SATB1: variants seen among roughly 807,000 people sequenced by gnomAD.
SATB1 encodes the protein SATB homeobox 1, also known as DNA-binding protein SATB1.
SATB1 carries 11 observed loss-of-function variants against 86.9 expected under a neutral mutation model. The ratio of observed to expected loss-of-function variants is 0.13; its 90% CI spans 0.08 to 0.21. SATB1 has a LOEUF of 0.21. SATB1 is among the 10% of genes least tolerant of loss of function. The pLI is 1.00. For synonymous variants in SATB1, 357 were observed against 357.2 expected (o/e 1.00, Z 0.01); for missense variants, 551 against 937.6 (o/e 0.59, Z 5.39).
chr3:18,347,617 T>G lies in SATB1; in HGVS notation c.*1553A>C, dbSNP rs1167961458. On this transcript the variant is annotated 3_prime_UTR_variant, in exon 11 of 11. Coordinates refer to ENST00000338745, the MANE Select transcript of SATB1 (RefSeq NM_002971.6). ...AGGAAAAGCATTGCTATAAATGAAG[T>G]ATTGTGAAATAAGCACAGATGAATC... The G allele has an allele frequency of 2.6e-5, 4 of 152,180 alleles. No homozygotes were observed. The highest frequency in any genetic ancestry group is 9.7e-5 in the African/African-American group (4 of 41,442). The allele number at this position is 152,180 out of a possible 1,614,324, so 9.4% of individuals were successfully genotyped here.
intron 5 of SATB1, among the ~76,000 whole-genome samples, chr3:18,405,274 C>T (rs1181357763): frequency 6.6e-6 from 1 of 151,866 alleles, no homozygotes; most frequent in African/African-American, 2.4e-5. Context: ...TACCAATGTA[C>T]CCATTTGAGA....
intron 9 of SATB1, among the ~76,000 whole-genome samples, chr3:18,368,958 A>T (rs1695319942): frequency 6.6e-6 from 1 of 152,134 alleles, no homozygotes; most frequent in South Asian, 2.1e-4. Flanking sequence ...CTTTAGCCTT[A>T]AACAGTTACC....
chr3:18,389,261 GTTTTTTT>G (rs35192555), intron 7 of SATB1, among the ~76,000 whole-genome samples: 1 of 129,724 alleles, frequency 7.7e-6, no homozygotes, highest in African/African-American at 2.9e-5. Context: ...AAACCTTTGG[GTTTTTTT>G]TTTTTTTTTT....
chr3:18,388,659 T>C (rs1178071700), intron 7 of SATB1, among the ~76,000 whole-genome samples: 1 of 152,156 alleles, frequency 6.6e-6, no homozygotes, highest in Non-Finnish European at 1.5e-5. Flanking sequence ...GTGTTACCCA[T>C]GAGTCAATTC....
chr3:18,398,431 T>C (rs1163049491), intron 5 of SATB1, among the ~76,000 whole-genome samples: 1 of 152,144 alleles, frequency 6.6e-6, no homozygotes, highest in Non-Finnish European at 1.5e-5. Flanking sequence ...TGGTCTATGG[T>C]GAAATAATTT....
intron 9 of SATB1, among the ~76,000 whole-genome samples, chr3:18,375,075 T>G (rs1214226611): frequency 6.6e-6 from 1 of 152,150 alleles, no homozygotes; most frequent in Non-Finnish European, 1.5e-5. Context: ...GGCTCTGTGT[T>G]GGTAAGAACC....
chr3:18,394,640 T>C lies in SATB1; in HGVS notation c.1028A>G (p.Asn343Ser). 1 of 1,614,116 alleles carries C rather than the reference T, an allele frequency of 6.2e-7. No individual in the cohort carries two copies. Among genetic ancestry groups the C allele is most frequent in the Non-Finnish European group, 8.5e-7 (1 of 1,180,016 alleles). Residue 343 changes from asparagine to serine, a missense_variant, in exon 7 of 11, where the codon AAC becomes AGC. Around this residue, in one of 8 missense-constraint regions of SATB1, gnomAD observed 119 missense variants for 171.1 expected, o/e 0.70. Coordinates refer to ENST00000338745, the MANE Select transcript of SATB1 (RefSeq NM_002971.6). The surrounding 1 kb of genome is among the most constrained non-coding windows in gnomAD (Gnocchi z 5.9). Reference protein sequence around the residue: ...VNRLLAQQSLNQQYLNHPPPV... With the variant: ...VNRLLAQQSLSQQYLNHPPPV... ...GGGAGGGTGGTTCAAGTATTGTTGG[T>C]TTAAGGACTGCTGGGCTAAAAGTCT...
intron 9 of SATB1, among the ~76,000 whole-genome samples, chr3:18,363,281 C>T (rs1695010557): frequency 6.6e-6 from 1 of 152,092 alleles, no homozygotes; most frequent in Non-Finnish European, 1.5e-5. Flanking sequence ...GATAAAGTGT[C>T]CAAAACCGCA....
intron 9 of SATB1, among the ~76,000 whole-genome samples, chr3:18,370,260 C>T (rs1036762810): frequency 6.6e-6 from 1 of 152,096 alleles, no homozygotes; most frequent in Non-Finnish European, 1.5e-5. Context: ...AAAATCTCTT[C>T]TTTTCTCTGG....
intron 5 of SATB1, among the ~76,000 whole-genome samples, chr3:18,401,176 A>T (rs561515560): frequency 6.6e-6 from 1 of 152,286 alleles, no homozygotes; most frequent in South Asian, 2.1e-4. Context: ...TCTCATCTGA[A>T]TATATCCTGG....
At chr3:18,351,922 G>A (rs921373562) in intron 10 of SATB1, 70 bp downstream of exon 10, 9 of 1,457,268 alleles carry the variant, frequency 6.2e-6, no homozygotes, top group South Asian at 3.5e-5. Context: ...GAAGAGAAAC[G>A]CTAATTTCCC....
rs1299903746 is a variant in SATB1 at position 18,347,704 on chromosome 3, C to G, written c.*1466G>C. On this transcript the variant is annotated 3_prime_UTR_variant, in exon 11 of 11. Coordinates refer to ENST00000338745, the MANE Select transcript of SATB1 (RefSeq NM_002971.6). Reference sequence around the variant, plus strand: ...TTTTGTCGGAGAGTCTTTTGACCATCCTATCTCTACTTATTAAGCAAAATG... The same window carrying G: ...TTTTGTCGGAGAGTCTTTTGACCATGCTATCTCTACTTATTAAGCAAAATG... 6.6e-6 allele frequency: 1 copy of G among 152,138 alleles called. No individual in the cohort carries two copies. The highest frequency in any genetic ancestry group is 1.5e-5 in the Non-Finnish European group (1 of 68,020). The allele number at this position is 152,138 out of a possible 1,614,324, so 9.4% of individuals were successfully genotyped here. A position where few individuals can be genotyped will look rare whatever the true frequency, so the allele number is the denominator to read the frequency against.
At chr3:18,362,824 GAA>G (rs1694969000) in intron 9 of SATB1, among the ~76,000 whole-genome samples, 1 of 31,590 alleles carries the variant, frequency 3.2e-5, no homozygotes, top group Admixed American at 5.4e-4. Flanking sequence ...TGGTCATTAA[GAA>G]AAAATATTGC....
chr3:18,391,373 T>C (rs1696659610), intron 7 of SATB1, among the ~76,000 whole-genome samples: 1 of 120,246 alleles, frequency 8.3e-6, no homozygotes, highest in Non-Finnish European at 1.8e-5. Flanking sequence ...GTACATATTT[T>C]ACATTAATTT....
chr3:18,394,364 G>A lies in SATB1; in HGVS notation c.1206+98C>T. 2.0e-6 allele frequency: 2 copies of A among 996,200 alleles called. No homozygotes were observed. The highest frequency in any genetic ancestry group is 3.1e-6 in the Non-Finnish European group (2 of 651,088). The allele number at this position is 996,200 out of a possible 1,614,324, so 61.7% of individuals were successfully genotyped here. On this transcript the variant is annotated intron_variant, in intron 7 of 10. Coordinates refer to ENST00000338745, the MANE Select transcript of SATB1 (RefSeq NM_002971.6). The surrounding 1 kb of genome is among the most constrained non-coding windows in gnomAD (Gnocchi z 5.9). The stretch of plus-strand genomic sequence containing the variant: ...GATCACATGAAGAGAGAGAGAAAAT[G>A]TTAGTACAGAAGTAAAAGAATAAAC...
upstream of SATB1, among the ~76,000 whole-genome samples, chr3:18,425,923 C>T (rs959297287): frequency 1.3e-5 from 2 of 151,840 alleles, no homozygotes; most frequent in African/African-American, 2.4e-5. Flanking sequence ...ACCACCCACA[C>T]GCCACAAAAG....
At chr3:18,427,507 A>G (rs1698748617), upstream of SATB1, among the ~76,000 whole-genome samples, 1 of 152,240 alleles carries the variant, frequency 6.6e-6, no homozygotes, top group Non-Finnish European at 1.5e-5. Context: ...AAACACCACT[A>G]AACAAAGATC....
intron 1 of SATB1, chr3:18,445,155 C>T: frequency 1.1e-6 from 1 of 908,642 alleles, no homozygotes; most frequent in Non-Finnish European, 1.3e-6. Flanking sequence ...TTGTGCGGCG[C>T]GGGCTGGCCA....
Position 18,367,272 on chromosome 3 carries a change from C to G in SATB1, c.1575+10898G>C, listed in dbSNP as rs146615131. On this transcript the variant is annotated intron_variant, in intron 9 of 10. Transcript: ENST00000338745. ...CTGTATTATGTAGAAAATCAGGAGC[C>G]ATGCCCTCTAGTTCCTTTCAGCTTA... is the stretch of plus-strand genomic sequence containing the variant. Among the ~76,000 whole-genome samples, 573 of 152,290 alleles carry G rather than the reference C, an allele frequency of 3.8e-3. 3 individuals carry two copies. Among genetic ancestry groups the G allele is most frequent in the Middle Eastern group, 0.024 (7 of 294 alleles).
Sources: allele counts gnomAD v4.1 joint callset (sites outside exome capture counted in the v4.1 genomes callset), GRCh38; gene constraint gnomAD v4.1.1; regional missense constraint gnomAD v4.1.1; non-coding constraint Gnocchi (gnomAD v3.1); transcripts MANE v1.5; gene names NCBI Gene and HGNC (gene_info 2026-07-23, HGNC 2026-07-21).